Variants in TM7SF3 observed in about 807,000 individuals in gnomAD.
TM7SF3 encodes the protein seven span transmembrane protein.
TM7SF3 carries 60 observed loss-of-function variants against 65.5 expected under a neutral mutation model. That is an observed-to-expected ratio of 0.92 (90% CI 0.74 to 1.14). TM7SF3 has a LOEUF of 1.14. Among genes scored for constraint, TM7SF3 ranks in the 50% most tolerant of loss-of-function variants. TM7SF3 has a pLI of 0.00. For synonymous variants in TM7SF3, 264 were observed against 259.6 expected (o/e 1.02, Z -0.16); for missense variants, 623 against 684.8 (o/e 0.91, Z 1.01).
chr12:26,976,292 T>TGAGG lies in TM7SF3; in HGVS notation c.1251_1254dup (p.Ile419ProfsTer31). Reference sequence around the variant, plus strand: ...AGGCAGCCCATGAAAACTACTGGAATGAGGATAGCTATGCAAGAGAAAGTG... The same window carrying TGAGG: ...AGGCAGCCCATGAAAACTACTGGAATGAGGGAGGATAGCTATGCAAGAGAAAGTG... On this transcript the variant is annotated frameshift_variant, in exon 10 of 12. Coordinates refer to ENST00000343028, the MANE Select transcript of TM7SF3 (RefSeq NM_016551.3). LOFTEE classifies it high-confidence loss of function. 1 of 1,613,776 alleles carries TGAGG rather than the reference T, an allele frequency of 6.2e-7. No homozygotes were observed. The highest frequency in any genetic ancestry group is 2.2e-5 in the East Asian group (1 of 44,858).
chr12:27,009,829 AG>A (rs1185959448), intron 1 of TM7SF3, among the ~76,000 whole-genome samples: 1 of 150,868 alleles, frequency 6.6e-6, no homozygotes, highest in Non-Finnish European at 1.5e-5. Flanking sequence ...AAACAAGCAA[AG>A]GATAAATATG....
chr12:26,993,770 A>C (rs1406175384), intron 5 of TM7SF3, among the ~76,000 whole-genome samples: 1 of 152,178 alleles, frequency 6.6e-6, no homozygotes, highest in African/African-American at 2.4e-5. Context: ...ATTAGCCAGC[A>C]CTCTTCTGCA....
At chr12:26,998,682 T>A (rs1021162080) in intron 3 of TM7SF3, among the ~76,000 whole-genome samples, 5 of 152,180 alleles carry the variant, frequency 3.3e-5, no homozygotes, top group Admixed American at 2.0e-4. Context: ...TCTGTTCAGA[T>A]CCTCATTTCT....
intron 2 of TM7SF3, chr12:26,999,898 G>A: frequency 2.1e-6 from 1 of 477,762 alleles, no homozygotes; most frequent in Non-Finnish European, 3.8e-6. Flanking sequence ...CTTAGTTAAG[G>A]CTGCTATAAC....
At chr12:27,012,563 A>G in intron 1 of TM7SF3, 1 of 454,262 alleles carries the variant, frequency 2.2e-6, no homozygotes, top group South Asian at 1.6e-5. Flanking sequence ...TTCATGGAAA[A>G]GCACATGATG....
intron 1 of TM7SF3, among the ~76,000 whole-genome samples, chr12:27,005,409 CAA>C (rs1427339562): frequency 1.3e-5 from 2 of 152,196 alleles, no homozygotes; most frequent in African/African-American, 2.4e-5. Context: ...CTGACACAAA[CAA>C]ATTCATAAAG....
intron 6 of TM7SF3, among the ~76,000 whole-genome samples, chr12:26,985,745 T>C (rs1324005661): frequency 7.6e-5 from 11 of 144,728 alleles, no homozygotes; most frequent in African/African-American, 2.3e-4. Flanking sequence ...GAGTGGAAGA[T>C]TGTCTTGAGT....
At chr12:26,987,160 A>G (rs1332496531) in intron 6 of TM7SF3, among the ~76,000 whole-genome samples, 1 of 152,148 alleles carries the variant, frequency 6.6e-6, no homozygotes, top group Non-Finnish European at 1.5e-5. Context: ...AATGCCATAT[A>G]TTCAGTCTGA....
At chr12:27,006,147 T>A (rs1941025859) in intron 1 of TM7SF3, among the ~76,000 whole-genome samples, 1 of 147,318 alleles carries the variant, frequency 6.8e-6, no homozygotes, top group Non-Finnish European at 1.5e-5. Context: ...TTTCTTTTTT[T>A]TTTTTTTTTT....
At chr12:26,997,328 T>A (rs1940638820) in intron 3 of TM7SF3, among the ~76,000 whole-genome samples, 1 of 152,206 alleles carries the variant, frequency 6.6e-6, no homozygotes, top group Admixed American at 6.5e-5. Flanking sequence ...CTGGCCAGGT[T>A]TGGAATGCAG....
At chr12:26,991,405 G>A (rs565828506) in intron 5 of TM7SF3, among the ~76,000 whole-genome samples, 148 of 152,058 alleles carry the variant, frequency 9.7e-4, no homozygotes, top group Non-Finnish European at 1.7e-3. Context: ...ACCCGCCTCG[G>A]CCTCCCAAAG....
At chr12:27,002,536 AAAG>A (rs1322399435) in intron 2 of TM7SF3, among the ~76,000 whole-genome samples, 4 of 152,244 alleles carry the variant, frequency 2.6e-5, no homozygotes, top group Non-Finnish European at 5.9e-5. Context: ...GGACAAATAA[AAAG>A]AAGTATAACT....
intron 3 of TM7SF3, among the ~76,000 whole-genome samples, chr12:26,997,962 A>T (rs1453678511): frequency 6.6e-6 from 1 of 150,980 alleles, no homozygotes; most frequent in Admixed American, 6.7e-5. Context: ...AGTACCTGGG[A>T]TTGTAGGCAC....
chr12:27,003,155 A>G, intron 2 of TM7SF3, 81 bp downstream of exon 2: 1 of 966,786 alleles, frequency 1.0e-6, no homozygotes, highest in Non-Finnish European at 1.5e-6. Context: ...AGATAGAGAT[A>G]TCAAATTCTA....
In TM7SF3 at chr12:26,973,783, A is replaced by T; in HGVS notation, c.*182T>A. On this transcript the variant is annotated 3_prime_UTR_variant, in exon 12 of 12. Transcript: ENST00000343028. Reference sequence around the variant, plus strand: ...CACCAACCTTTTGGTCATCTTTCTCATTCTCTTACAATCATCCTAATCCCC... The same window carrying T: ...CACCAACCTTTTGGTCATCTTTCTCTTTCTCTTACAATCATCCTAATCCCC... The T allele has an allele frequency of 1.5e-6, 1 of 683,194 alleles. No individual in the cohort carries two copies. Among genetic ancestry groups the T allele is most frequent in the Non-Finnish European group, 2.2e-6 (1 of 458,846 alleles). 42.3% of individuals were successfully genotyped at this position (683,194 alleles called of 1,614,324 possible). A position where few individuals can be genotyped will look rare whatever the true frequency, so the allele number is the denominator to read the frequency against.
At chr12:27,003,064 T>C (rs1287025343) in intron 2 of TM7SF3, among the ~76,000 whole-genome samples, 172 bp downstream of exon 2, 2 of 152,202 alleles carry the variant, frequency 1.3e-5, no homozygotes, top group Non-Finnish European at 2.9e-5. Context: ...AAGAAAGGCC[T>C]GAGATACTCT....
chr12:26,982,576 A>T (rs1272260089), intron 7 of TM7SF3, among the ~76,000 whole-genome samples, 197 bp downstream of exon 7: 1 of 152,210 alleles, frequency 6.6e-6, no homozygotes, highest in Non-Finnish European at 1.5e-5. Context: ...TAATAAGAGA[A>T]GGTTATACTC....
chr12:26,998,028 G>C (rs1940673628), intron 3 of TM7SF3, among the ~76,000 whole-genome samples: 1 of 152,038 alleles, frequency 6.6e-6, no homozygotes, highest in African/African-American at 2.4e-5. Context: ...GTTTCGCCAT[G>C]TTGGCCAGGC....
chr12:27,010,172 A>G (rs1438211651), intron 1 of TM7SF3, among the ~76,000 whole-genome samples: 1 of 152,208 alleles, frequency 6.6e-6, no homozygotes, highest in Non-Finnish European at 1.5e-5. Context: ...TTGGCTGCTG[A>G]AAGTATCAAA....
Sources: gnomAD v4.1 joint callset for allele counts (sites outside exome capture counted in the v4.1 genomes callset) on GRCh38, gnomAD v4.1.1 for gene constraint, MANE v1.5 for transcripts, NCBI Gene and HGNC (gene_info 2026-07-23, HGNC 2026-07-21) for gene names.